The following PDE8B variants were observed in gnomAD, a reference collection of about 807,000 sequenced individuals.
The protein encoded by PDE8B is phosphodiesterase 8B.
In PDE8B, 26 loss-of-function variants were observed where a neutral mutation model predicts 101.3. The ratio of observed to expected loss-of-function variants is 0.26; its 90% CI spans 0.19 to 0.36. PDE8B has a LOEUF of 0.36. Among genes scored for constraint, PDE8B ranks in the 10% least tolerant of loss-of-function variants. PDE8B has a pLI of 1.00. For synonymous variants in PDE8B, 424 were observed against 429.3 expected (o/e 0.99, Z 0.15); for missense variants, 810 against 1,163.1 (o/e 0.70, Z 4.42).
At chr5:77,297,985 G>C (rs1208909801) in intron 1 of PDE8B, among the ~76,000 whole-genome samples, 1 of 152,158 alleles carries the variant, frequency 6.6e-6, no homozygotes, top group African/African-American at 2.4e-5. Flanking sequence ...CCTGTCTTCA[G>C]ACTGTGGGCT....
intron 1 of PDE8B, among the ~76,000 whole-genome samples, chr5:77,237,615 G>A (rs1250939345): frequency 1.3e-5 from 2 of 151,990 alleles, no homozygotes; most frequent in Non-Finnish European, 2.9e-5. Flanking sequence ...TCTTTCAACT[G>A]TCAAACATAC....
At chr5:77,331,597 G>A (rs1010143071) in intron 5 of PDE8B, 138 bp downstream of exon 5, 3 of 769,162 alleles carry the variant, frequency 3.9e-6, no homozygotes, top group Non-Finnish European at 6.9e-6. Context: ...GGAAGAAACT[G>A]TGTTCTCATG....
chr5:77,315,415 T>G (rs1408407238), intron 2 of PDE8B, among the ~76,000 whole-genome samples: 1 of 152,234 alleles, frequency 6.6e-6, no homozygotes, highest in Admixed American at 6.5e-5. Context: ...ACAAAGACTA[T>G]TCTTCCCCAT....
intron 1 of PDE8B, among the ~76,000 whole-genome samples, chr5:77,275,068 C>T (rs28409208): frequency 3.3e-5 from 5 of 152,022 alleles, no homozygotes; most frequent in Non-Finnish European, 4.4e-5. Flanking sequence ...TAGTATCACA[C>T]ACACACACTA....
At chr5:77,165,207 G>A in the PDE8B span, among the ~76,000 whole-genome samples, 810 of 152,302 alleles carry the variant, frequency 5.3e-3, 7 homozygotes, top group African/African-American at 0.019. Flanking sequence ...ATAAGAGAAA[G>A]CGTAATAAAA....
intron 2 of PDE8B, among the ~76,000 whole-genome samples, chr5:77,317,390 G>A (rs1244046694): frequency 6.6e-6 from 1 of 152,204 alleles, no homozygotes; most frequent in Non-Finnish European, 1.5e-5. Context: ...TCAGGATAGA[G>A]TTGCTTTTGA....
At chr5:77,119,629 C>G in the PDE8B span, 64 of 146,058 alleles carry the variant, frequency 4.4e-4, no homozygotes, top group African/African-American at 1.7e-3. Context: ...TGCACTCCAG[C>G]CTGGGTGACA....
chr5:77,310,832 C>T lies in PDE8B; in HGVS notation c.340-1162C>T, dbSNP rs1490750425. Among the ~76,000 whole-genome samples, 6 of 151,934 alleles carry T rather than the reference C, an allele frequency of 3.9e-5. No individual in the cohort carries two copies. In the East Asian group the frequency reaches 1.2e-3, roughly 29 times the overall value. On this transcript the variant is annotated intron_variant, in intron 1 of 21. Coordinates refer to ENST00000264917, the MANE Select transcript of PDE8B (RefSeq NM_003719.5). ...GTTGGGGTGGGGTAGGAGAATCAGG[C>T]CTACAGAGGAGAAGAAGACTGGTGC...
chr5:77,304,461 C>T (rs548039310), intron 1 of PDE8B, among the ~76,000 whole-genome samples: 1 of 152,102 alleles, frequency 6.6e-6, no homozygotes, highest in Non-Finnish European at 1.5e-5. Flanking sequence ...GATTTCATCT[C>T]TCCAGCTCTG....
rs1196262424 is a variant in PDE8B at position 77,325,728 on chromosome 5, A to G, written c.589A>G (p.Arg197Gly). 6.3e-7 allele frequency: 1 copy of G among 1,599,818 alleles called. No homozygotes were observed. The highest frequency in any genetic ancestry group is 8.6e-7 in the Non-Finnish European group (1 of 1,167,290). Reference sequence around the variant, plus strand: ...GAACTTCGATGCAGAAGCAGTGTGCAGGTACCTTCTCTAATTTAATATGCT... The same window carrying G: ...GAACTTCGATGCAGAAGCAGTGTGCGGGTACCTTCTCTAATTTAATATGCT... ...TQNFDAEAVC[R>G]SIRATNPSEH... Residue 197 changes from arginine (R) to glycine (G), a missense_variant and splice_region_variant, in exon 3 of 22, where the codon AGG becomes GGG. This residue lies in a region of PDE8B where 251 missense variants were observed against 378.8 expected (regional missense o/e 0.66). Transcript: ENST00000264917.
At chr5:77,410,071 G>A (rs1794237507) in intron 14 of PDE8B, among the ~76,000 whole-genome samples, 1 of 152,264 alleles carries the variant, frequency 6.6e-6, no homozygotes, top group Admixed American at 6.5e-5. Flanking sequence ...TGCTGCTGAT[G>A]CAGGACAGGC....
At chr5:77,186,683 A>G in the PDE8B span, among the ~76,000 whole-genome samples, 2 of 152,226 alleles carry the variant, frequency 1.3e-5, no homozygotes, top group Non-Finnish European at 2.9e-5. Flanking sequence ...TGAGTTGCCC[A>G]GTGGCCTTGG....
rs561890042 is a variant in PDE8B at position 77,211,172 on chromosome 5, G to C, written c.247G>C (p.Ala83Pro). Residue 83 changes from alanine to proline, a missense_variant, in exon 1 of 22, where the codon GCA becomes CCA. Ala to Pro is a conservative substitution (Grantham distance 27). This residue lies in a region of PDE8B where 159 missense variants were observed against 146.6 expected (regional missense o/e 1.08). Transcript: ENST00000264917. This position sits in a 1 kb window ranked among gnomAD's most constrained non-coding sequence, Gnocchi z 4.1. ...ELGSGSSAGS[A>P]APAATTSRGR... is the part of the protein sequence containing the mutation. ...GGGCAGCGGTAGCAGCGCGGGTTCCGCAGCCCCCGCCGCGACCACCAGCAG... is the reference window on the plus strand; with the variant it reads ...GGGCAGCGGTAGCAGCGCGGGTTCCCCAGCCCCCGCCGCGACCACCAGCAG... The C allele has an allele frequency of 5.9e-5, 91 of 1,534,792 alleles. No individual in the cohort carries two copies. The African/African-American group carries it at 1.1e-3, about 18-fold the overall frequency.
chr5:77,393,064 T>A (rs1019578225), intron 10 of PDE8B, among the ~76,000 whole-genome samples: 9 of 152,194 alleles, frequency 5.9e-5, no homozygotes, highest in Non-Finnish European at 1.2e-4. Flanking sequence ...AATTCAGGTT[T>A]AGCCCAAATT....
Position 77,418,894 on chromosome 5 carries a change from T to TG in PDE8B, c.2129+451dup, listed in dbSNP as rs564317582. Among the ~76,000 whole-genome samples, 5 of 151,572 alleles carry TG rather than the reference T, an allele frequency of 3.3e-5. No individual in the cohort carries two copies. The South Asian group carries it at 1.0e-3, about 32-fold the overall frequency. ...CCAGCCCCGCATTCTCTGATGAGAG[T>TG]GGGTTAGATGTGAGCAGGTCCTCTT... On this transcript the variant is annotated intron_variant, in intron 18 of 21. Coordinates refer to ENST00000264917, the MANE Select transcript of PDE8B (RefSeq NM_003719.5).
At chr5:77,301,538 C>T (rs1214396786) in intron 1 of PDE8B, among the ~76,000 whole-genome samples, 1 of 152,210 alleles carries the variant, frequency 6.6e-6, no homozygotes, top group Non-Finnish European at 1.5e-5. Flanking sequence ...GGATAATTGC[C>T]TCCTGAATAA....
chr5:77,339,962 T>C (rs1778908632), intron 6 of PDE8B, among the ~76,000 whole-genome samples: 1 of 152,218 alleles, frequency 6.6e-6, no homozygotes, highest in Non-Finnish European at 1.5e-5. Context: ...CTTTGATGAA[T>C]TACTCTGTTG....
At chr5:77,385,736 A>G (rs1260938714) in intron 10 of PDE8B, among the ~76,000 whole-genome samples, 1 of 148,860 alleles carries the variant, frequency 6.7e-6, no homozygotes, top group Non-Finnish European at 1.5e-5. Flanking sequence ...TTTACCCAGT[A>G]GTCATTCAGG....
At position 77,427,468 on chromosome 5, in the gene PDE8B, T is replaced by C. The variant is rs1230703275; in HGVS notation, c.*914T>C. ...TATTAAAATCCAAATTTTCTGGGTG[T>C]AAGCCCATGCAGTATGTTGTGCCAT... On this transcript the variant is annotated 3_prime_UTR_variant, in exon 22 of 22. Coordinates refer to ENST00000264917, the MANE Select transcript of PDE8B (RefSeq NM_003719.5). The C allele has an allele frequency of 6.6e-6, 1 of 152,270 alleles. No individual in the cohort carries two copies. The highest frequency in any genetic ancestry group is 1.5e-5 in the Non-Finnish European group (1 of 68,026). The allele number at this position is 152,270 out of a possible 1,614,324, so 9.4% of individuals were successfully genotyped here. A position where few individuals can be genotyped will look rare whatever the true frequency, so the allele number is the denominator to read the frequency against.
Sources: gnomAD v4.1 joint callset for allele counts (sites outside exome capture counted in the v4.1 genomes callset) on GRCh38, gnomAD v4.1.1 for gene constraint, gnomAD v4.1.1 regional missense constraint, Gnocchi (gnomAD v3.1) non-coding constraint, MANE v1.5 for transcripts, NCBI Gene and HGNC (gene_info 2026-07-23, HGNC 2026-07-21) for gene names.